EMP1: variants seen among roughly 807,000 people sequenced by gnomAD.
The protein encoded by EMP1 is epithelial membrane protein 1.
EMP1 carries 5 observed loss-of-function variants against 15.7 expected under a neutral mutation model. That is an observed-to-expected ratio of 0.32 (90% CI 0.17 to 0.67). The LOEUF is 0.67. EMP1 is among the 30% of genes least tolerant of loss of function. The pLI is 0.74. For synonymous variants in EMP1, 78 were observed against 76.7 expected (o/e 1.02, Z -0.09); for missense variants, 166 against 194.2 (o/e 0.85, Z 0.86).
rs2121169888 is a variant in EMP1 at position 13,218,833 on chromosome 12, T to A, written c.*4142T>A. 1 of 152,278 alleles carries A rather than the reference T, an allele frequency of 6.6e-6. No individual in the cohort carries two copies. 9.4% of individuals were successfully genotyped at this position (152,278 alleles called of 1,614,324 possible). On this transcript the variant is annotated 3_prime_UTR_variant, in exon 5 of 5. Transcript: ENST00000256951. ...TGTCCCATCTTCTTCCAGCTTTCAG[T>A]CTAGCTTGGAAATAAATCTCATACC...
rs35705378 is a variant in EMP1, at chr12:13,214,608, G to T, written c.391G>T (p.Gly131Cys). Residue 131 changes from glycine to cysteine, a missense_variant, in exon 5 of 5, where the codon GGC (glycine) becomes TGC (cysteine). Gly to Cys is a radical substitution (Grantham distance 159). Coordinates refer to ENST00000256951, the MANE Select transcript of EMP1 (RefSeq NM_001423.3). Reference protein sequence around the residue: ...ANRDGTQYHHGYSYILGWICF... With the variant: ...ANRDGTQYHHCYSYILGWICF... ...TCGTGATGGAACGCAGTATCACCAC[G>T]GCTATTCCTACATCCTGGGCTGGAT... is the stretch of plus-strand genomic sequence containing the variant. 1 of 1,613,778 alleles carries T rather than the reference G, an allele frequency of 6.2e-7. No individual in the cohort carries two copies. The highest frequency in any genetic ancestry group is 8.5e-7 in the Non-Finnish European group (1 of 1,180,014).
At chr12:13,212,278 C>T (rs868161820) in intron 2 of EMP1, among the ~76,000 whole-genome samples, 3 of 152,254 alleles carry the variant, frequency 2.0e-5, no homozygotes, top group Non-Finnish European at 2.9e-5. Flanking sequence ...CTAGTGGTGG[C>T]TTACAGCGCC....
intron 1 of EMP1, among the ~76,000 whole-genome samples, chr12:13,206,887 G>A (rs1347805696): frequency 6.6e-6 from 1 of 151,932 alleles, no homozygotes; most frequent in East Asian, 1.9e-4. Flanking sequence ...ACAAGGCAAT[G>A]CATGGCAGTC....
chr12:13,213,024 G>A (rs1320416111), intron 2 of EMP1, among the ~76,000 whole-genome samples: 1 of 152,194 alleles, frequency 6.6e-6, no homozygotes, highest in African/African-American at 2.4e-5. Flanking sequence ...TTCCCAGTAG[G>A]TCTTATGTTT....
chr12:13,197,086 G>T (rs1864021489), intron 1 of EMP1, among the ~76,000 whole-genome samples: 1 of 152,202 alleles, frequency 6.6e-6, no homozygotes, highest in African/African-American at 2.4e-5. Context: ...GTATTTTGAG[G>T]ACGGAGTCTG....
rs535672877 is a variant in EMP1, at chr12:13,198,308, C to G, written c.-43+1436C>G. The stretch of plus-strand genomic sequence containing the variant: ...GTTAGCATTTTGGGTGAGTGTCTAC[C>G]GAGGTGTGGCCCATTTCAACATAGA... On this transcript the variant is annotated intron_variant, in intron 1 of 4. Coordinates refer to ENST00000256951, the MANE Select transcript of EMP1 (RefSeq NM_001423.3). 9.9e-5 allele frequency among the ~76,000 whole-genome samples: 15 copies of G among 151,860 alleles called. No homozygotes were observed. The East Asian group carries it at 2.9e-3, about 29-fold the overall frequency.
At chr12:13,201,116 T>G (rs1267804694) in intron 1 of EMP1, among the ~76,000 whole-genome samples, 3 of 152,200 alleles carry the variant, frequency 2.0e-5, no homozygotes, top group Non-Finnish European at 4.4e-5. Context: ...AGACCCCTTA[T>G]GGCTCTGAGA....
Position 13,215,683 on chromosome 12 carries a change from A to G in EMP1, c.*992A>G, listed in dbSNP as rs1413847138. The G allele has an allele frequency of 6.6e-6, 1 of 152,368 alleles. No homozygotes were observed. Among genetic ancestry groups the G allele is most frequent in the Non-Finnish European group, 1.5e-5 (1 of 68,052 alleles). The allele number at this position is 152,368 out of a possible 1,614,324, so 9.4% of individuals were successfully genotyped here. On this transcript the variant is annotated 3_prime_UTR_variant, in exon 5 of 5. Transcript: ENST00000256951. ...TTTGAGGAAGTTTTGTCTAATTATC[A>G]ATATTGAGGATCAGGGCTCCTAGGC...
intron 1 of EMP1, among the ~76,000 whole-genome samples, chr12:13,206,005 A>G (rs1389895328): frequency 6.6e-6 from 1 of 152,128 alleles, no homozygotes; most frequent in East Asian, 1.9e-4. Context: ...ACCCAGTAGC[A>G]GGGTAGAAGA....
intron 1 of EMP1, among the ~76,000 whole-genome samples, chr12:13,210,806 C>G (rs919255066): frequency 2.0e-5 from 3 of 152,244 alleles, no homozygotes; most frequent in African/African-American, 4.8e-5. Flanking sequence ...TAATACTAGT[C>G]TGAAATGCTC....
intron 2 of EMP1, among the ~76,000 whole-genome samples, chr12:13,212,959 T>C (rs924188489): frequency 5.9e-5 from 9 of 152,244 alleles, no homozygotes; most frequent in African/African-American, 2.2e-4. Flanking sequence ...ACAGTCAAGT[T>C]TGATCCTTCT....
intron 1 of EMP1, among the ~76,000 whole-genome samples, chr12:13,201,015 A>AG (rs1263614407): frequency 6.6e-6 from 1 of 152,192 alleles, no homozygotes; most frequent in African/African-American, 2.4e-5. Flanking sequence ...AGGAAGACAG[A>AG]GGGGCAGTGG....
intron 2 of EMP1, 139 bp from the exon 3 acceptor site, chr12:13,213,340 A>C: frequency 1.3e-6 from 1 of 752,216 alleles, no homozygotes. Flanking sequence ...TTCCGCCCAC[A>C]GATAAGCTGC....
rs1351029895 is a variant in EMP1, at chr12:13,214,610, C to T, written c.393C>T (p.Gly131=). 1 of 1,614,016 alleles carries T rather than the reference C, an allele frequency of 6.2e-7. No homozygotes were observed. The highest frequency in any genetic ancestry group is 1.1e-5 in the South Asian group (1 of 91,066). The change falls in exon 5 of 5, where the codon GGC becomes GGT. Residue 131 remains glycine, a synonymous_variant. Transcript: ENST00000256951. ...GTGATGGAACGCAGTATCACCACGG[C>T]TATTCCTACATCCTGGGCTGGATCT... ...ANRDGTQYHH[G]YSYILGWICF... is the part of the protein sequence containing the mutation.
intron 1 of EMP1, among the ~76,000 whole-genome samples, chr12:13,209,948 G>A (rs367742353): frequency 1.3e-5 from 2 of 152,320 alleles, no homozygotes; most frequent in African/African-American, 4.8e-5. Flanking sequence ...CTAAAAAACA[G>A]CCTGGGTTGG....
chr12:13,218,605 A>G lies in EMP1; in HGVS notation c.*3914A>G, dbSNP rs907440308. ...TTTCAGAGCACAAAACAGATAAGGAAAGATGTATGCTGATTGTGTGGAGCC... is the reference window on the plus strand; with the variant it reads ...TTTCAGAGCACAAAACAGATAAGGAGAGATGTATGCTGATTGTGTGGAGCC... On this transcript the variant is annotated 3_prime_UTR_variant, in exon 5 of 5. Coordinates refer to ENST00000256951, the MANE Select transcript of EMP1 (RefSeq NM_001423.3). 3.9e-5 allele frequency: 6 copies of G among 152,162 alleles called. No individual in the cohort carries two copies. Among genetic ancestry groups the G allele is most frequent in the African/African-American group, 1.4e-4 (6 of 41,430 alleles). 9.4% of individuals were successfully genotyped at this position (152,162 alleles called of 1,614,324 possible).
At chr12:13,213,632 G>C in intron 3 of EMP1, 49 bp from the exon 4 acceptor site, 4 of 1,613,978 alleles carry the variant, frequency 2.5e-6, no homozygotes, top group Non-Finnish European at 3.4e-6. Context: ...GGAATGTTCA[G>C]CCCCTGGAGT....
At chr12:13,208,063 A>G (rs1864130099) in intron 1 of EMP1, among the ~76,000 whole-genome samples, 1 of 152,228 alleles carries the variant, frequency 6.6e-6, no homozygotes, top group South Asian at 2.1e-4. Context: ...AGTGCCACCC[A>G]TATCATTTTA....
In EMP1 at chr12:13,217,069, A is replaced by T. The variant is rs894973379; in HGVS notation, c.*2378A>T. ...ATAAATCAGAAATGCTTGTGACATTAAGAAATGAGGCACTTGTGAAATTTC... is the reference window on the plus strand; with the variant it reads ...ATAAATCAGAAATGCTTGTGACATTTAGAAATGAGGCACTTGTGAAATTTC... On this transcript the variant is annotated 3_prime_UTR_variant, in exon 5 of 5. Coordinates refer to ENST00000256951, the MANE Select transcript of EMP1 (RefSeq NM_001423.3). The T allele has an allele frequency of 3.9e-5, 6 of 152,334 alleles. No homozygotes were observed. The highest frequency in any genetic ancestry group is 2.6e-4 in the Admixed American group (4 of 15,298). The allele number at this position is 152,334 out of a possible 1,614,324, so 9.4% of individuals were successfully genotyped here.
Sources: allele counts gnomAD v4.1 joint callset (sites outside exome capture counted in the v4.1 genomes callset), GRCh38; gene constraint gnomAD v4.1.1; transcripts MANE v1.5; gene names NCBI Gene and HGNC (gene_info 2026-07-23, HGNC 2026-07-21).